Variants in ABCC5 observed in about 807,000 individuals in gnomAD.
The protein encoded by ABCC5 is ATP-binding cassette sub-family C member 5.
Under a neutral mutation model 160.9 loss-of-function variants are expected in ABCC5, and 61 were observed. The ratio of observed to expected loss-of-function variants is 0.38; its 90% CI spans 0.31 to 0.47. ABCC5 has a LOEUF of 0.47. ABCC5 is among the 20% of genes least tolerant of loss of function. The pLI, the probability that ABCC5 is intolerant of heterozygous loss-of-function variation, is 0.99. For synonymous variants in ABCC5, 666 were observed against 700.6 expected (o/e 0.95, Z 0.78); for missense variants, 1,308 against 1,813.3 (o/e 0.72, Z 5.06).
At chr3:183,989,782 G>A (rs770733392) in intron 2 of ABCC5, among the ~76,000 whole-genome samples, 110 of 152,082 alleles carry the variant, frequency 7.2e-4, no homozygotes, top group Non-Finnish European at 1.1e-3. Flanking sequence ...GAAGTCCATA[G>A]GTTACATTAG....
intron 5 of ABCC5, chr3:183,984,659 C>T: frequency 6.9e-7 from 1 of 1,451,568 alleles, no homozygotes; most frequent in Admixed American, 2.4e-5. Flanking sequence ...CCACCTCTCC[C>T]CTCCCTCAGA....
chr3:183,946,149 T>C (rs1257793974), intron 23 of ABCC5, among the ~76,000 whole-genome samples: 1 of 152,240 alleles, frequency 6.6e-6, no homozygotes, highest in Non-Finnish European at 1.5e-5. Context: ...ATCATGGCAC[T>C]GCTGGAACCA....
rs1475330178 is a variant in ABCC5, at chr3:183,981,577, T to G, written c.1147+150A>C. On this transcript the variant is annotated intron_variant, in intron 8 of 29. Transcript: ENST00000334444. ...GGGTTCAAACCTCTAAGATCCCTTT[T>G]GAACACAAAGATTCTATGATATTAT... The G allele has an allele frequency of 3.4e-6, 3 of 885,770 alleles. No individual in the cohort carries two copies. In the Admixed American group the frequency reaches 9.1e-5, roughly 27 times the overall value. 54.9% of individuals were successfully genotyped at this position (885,770 alleles called of 1,614,324 possible).
Position 183,921,178 on chromosome 3 carries a change from C to A in ABCC5, c.*122G>T. 1 of 577,448 alleles carries A rather than the reference C, an allele frequency of 1.7e-6. No individual in the cohort carries two copies. The highest frequency in any genetic ancestry group is 2.6e-5 in the South Asian group (1 of 39,162). 35.8% of individuals were successfully genotyped at this position (577,448 alleles called of 1,614,324 possible). A position where few individuals can be genotyped will look rare whatever the true frequency, so the allele number is the denominator to read the frequency against. ...GTGAAACACACAAGCCAATCCGGAA[C>A]TGCTGTGCGAAAGATAAAATCGAGA... On this transcript the variant is annotated 3_prime_UTR_variant, in exon 30 of 30. Transcript: ENST00000334444. The surrounding 1 kb of genome is among the most constrained non-coding windows in gnomAD (Gnocchi z 4.1).
chr3:184,002,075 G>C (rs937718220), intron 2 of ABCC5, among the ~76,000 whole-genome samples: 1 of 152,178 alleles, frequency 6.6e-6, no homozygotes, highest in Non-Finnish European at 1.5e-5. Context: ...GCAGGAGTAA[G>C]GTCACAGGGA....
chr3:183,942,407 T>C (rs1049955094), intron 25 of ABCC5: 7 of 517,370 alleles, frequency 1.4e-5, no homozygotes, highest in African/African-American at 3.8e-5. Context: ...TACATATTAC[T>C]AGAGGAAGCC....
chr3:183,942,959 T>C, intron 24 of ABCC5, 43 bp from the exon 25 acceptor site: 1 of 1,551,922 alleles, frequency 6.4e-7, no homozygotes, highest in South Asian at 1.2e-5. Flanking sequence ...CCACAGATTC[T>C]TGGGGAGCTG....
At chr3:183,952,060 G>C in intron 18 of ABCC5, 57 bp from the exon 19 acceptor site, 1 of 1,563,738 alleles carries the variant, frequency 6.4e-7, no homozygotes. Context: ...AAGAGCCCCT[G>C]CTCAGCGCCA....
In ABCC5 at chr3:184,007,974, A is replaced by T. The variant is rs371182257; in HGVS notation, c.129+6290T>A. Among the ~76,000 whole-genome samples, 7 of 152,324 alleles carry T rather than the reference A, an allele frequency of 4.6e-5. 1 individual carries two copies. The highest frequency in any genetic ancestry group is 1.7e-4 in the African/African-American group (7 of 41,572). ...CCCACAACTCTTTCTTTTGCCTGGC[A>T]AGTTCTTCATTTCTCCAAATTCTAT... On this transcript the variant is annotated intron_variant, in intron 2 of 29. Transcript: ENST00000334444.
intron 26 of ABCC5, among the ~76,000 whole-genome samples, chr3:183,936,144 T>C (rs1713692655): frequency 6.6e-6 from 1 of 152,006 alleles, no homozygotes. Flanking sequence ...AGAGCTCTCC[T>C]TTCCGCGGGC....
chr3:183,959,094 G>A (rs1406485353), intron 17 of ABCC5, among the ~76,000 whole-genome samples: 1 of 150,272 alleles, frequency 6.7e-6, no homozygotes, highest in East Asian at 2.0e-4. Context: ...GTGTTTGTGT[G>A]TATTTAAATT....
At chr3:183,970,413 C>T (rs1352686676) in intron 11 of ABCC5, among the ~76,000 whole-genome samples, 1 of 150,982 alleles carries the variant, frequency 6.6e-6, no homozygotes, top group East Asian at 2.0e-4. Context: ...CTGCTCCCTG[C>T]CCCAGCACAC....
intron 26 of ABCC5, among the ~76,000 whole-genome samples, chr3:183,932,919 C>G (rs561085625): frequency 6.6e-6 from 1 of 152,094 alleles, no homozygotes; most frequent in Non-Finnish European, 1.5e-5. Flanking sequence ...AATCCCAGCA[C>G]TTTGGAAGGC....
At chr3:183,976,403 C>G (rs571189735) in intron 10 of ABCC5, among the ~76,000 whole-genome samples, 2 of 151,898 alleles carry the variant, frequency 1.3e-5, no homozygotes, top group Non-Finnish European at 2.9e-5. Flanking sequence ...TGTGGGCGCA[C>G]ACCACTGCAC....
chr3:183,959,973 A>G (rs1232546027), intron 16 of ABCC5, 138 bp from the exon 17 acceptor site: 3 of 587,930 alleles, frequency 5.1e-6, no homozygotes, highest in African/African-American at 1.9e-5. Context: ...AGGGTCACCT[A>G]TACTCATTTC....
chr3:183,978,439 C>T (rs535705453), intron 9 of ABCC5, 64 bp downstream of exon 9: 2 of 1,566,552 alleles, frequency 1.3e-6, no homozygotes, highest in African/African-American at 1.4e-5. Flanking sequence ...AGTGATTTTC[C>T]TGCCTCAGCC....
chr3:183,956,815 T>C, intron 17 of ABCC5, among the ~76,000 whole-genome samples: 1 of 55,778 alleles, frequency 1.8e-5, no homozygotes, highest in Non-Finnish European at 3.0e-5. Context: ...ATCTGTTACA[T>C]GCAGATCCGT....
At chr3:184,014,784 T>A (rs980238474) in intron 1 of ABCC5, among the ~76,000 whole-genome samples, 3 of 151,916 alleles carry the variant, frequency 2.0e-5, no homozygotes, top group Non-Finnish European at 2.9e-5. Context: ...GTTTTTTTTT[T>A]AAAGACTTTC....
At chr3:183,957,906 G>T (rs1380066590) in intron 17 of ABCC5, among the ~76,000 whole-genome samples, 3 of 100,004 alleles carry the variant, frequency 3.0e-5, no homozygotes, top group South Asian at 3.6e-4. Flanking sequence ...GGTTACATGC[G>T]GATCCGTGTG....
Sources: gnomAD v4.1 joint callset for allele counts (sites outside exome capture counted in the v4.1 genomes callset) on GRCh38, gnomAD v4.1.1 for gene constraint, Gnocchi (gnomAD v3.1) non-coding constraint, MANE v1.5 for transcripts, NCBI Gene and HGNC (gene_info 2026-07-23, HGNC 2026-07-21) for gene names.